TMEM221: variants seen among roughly 807,000 people sequenced by gnomAD.
TMEM221 encodes transmembrane protein 221.
Under a neutral mutation model 10.2 loss-of-function variants are expected in TMEM221, and 11 were observed. The ratio of observed to expected loss-of-function variants is 1.08; its 90% confidence interval spans 0.68 to 1.79. TMEM221 has a LOEUF of 1.79. Among genes scored for constraint, TMEM221 ranks in the 40% most tolerant of loss-of-function variants. The probability of loss-of-function intolerance (pLI) is 0.00; values close to 1 mark genes in which losing one functional copy is unlikely to be tolerated. For missense variants in TMEM221, 382 were observed against 417.7 expected (o/e 0.91, Z 0.75); for synonymous variants, 172 against 199.8 (o/e 0.86, Z 1.18).
intron 2 of TMEM221, among the ~76,000 whole-genome samples, chr19:17,443,179 G>A (rs886415129): frequency 6.6e-6 from 1 of 152,080 alleles, no homozygotes. Flanking sequence ...TACTCAGGAG[G>A]CTGAGGAAGA....
Position 17,448,615 on chromosome 19 carries a change from C to A in TMEM221, c.-153G>T, listed in dbSNP as rs1361733003. 8.7e-6 allele frequency: 4 copies of A among 459,320 alleles called. No homozygotes were observed. The East Asian group carries it at 1.1e-4, about 13-fold the overall frequency. The allele number at this position is 459,320 out of a possible 1,614,324, so 28.5% of individuals were successfully genotyped here. A position where few individuals can be genotyped will look rare whatever the true frequency, so the allele number is the denominator to read the frequency against. ...AAAGTTCGGGGACTGGGCTGGGGGT[C>A]GCCAGACGGACGGGGGCTCCGGGGT... is the stretch of plus-strand genomic sequence containing the variant. On this transcript the variant is annotated 5_prime_UTR_variant, in exon 1 of 3. Transcript: ENST00000341130. The surrounding 1 kb of genome is among the most constrained non-coding windows in gnomAD (Gnocchi z 4.7).
rs1443265528 is a variant in TMEM221 at position 17,436,484 on chromosome 19, T to C, written c.850A>G (p.Met284Val). Residue 284 changes from methionine (M) to valine (V), a missense_variant, in exon 3 of 3, where the codon ATG (methionine) becomes GTG (valine). Physicochemically the swap from Met to Val is conservative, Grantham distance 21. Transcript: ENST00000341130. ...RRMLGHRPGS[M>V]GKDSTLV ...CACACCAGTGTGGAGTCCTTCCCCA[T>C]GCTCCCTGGTCTGTGGCCCAGCATT... The C allele has an allele frequency of 1.6e-5, 24 of 1,528,896 alleles. No homozygotes were observed. In the East Asian group the frequency reaches 4.7e-4, roughly 30 times the overall value. The allele number at this position is 1,528,896 out of a possible 1,614,324, so 94.7% of individuals were successfully genotyped here. A position where few individuals can be genotyped will look rare whatever the true frequency, so the allele number is the denominator to read the frequency against.
intron 2 of TMEM221, among the ~76,000 whole-genome samples, chr19:17,442,605 A>G (rs2074936353): frequency 6.6e-6 from 1 of 151,740 alleles, no homozygotes. Context: ...ATGTTTGGCT[A>G]ATTTTTGTAT....
chr19:17,446,845 C>T (rs1029756956), intron 1 of TMEM221, among the ~76,000 whole-genome samples: 7 of 152,092 alleles, frequency 4.6e-5, no homozygotes, highest in African/African-American at 1.4e-4. Context: ...GATCCTCTTG[C>T]CTCAGCCTCT....
In TMEM221 at chr19:17,436,558, A is replaced by G. The variant is rs1453020890; in HGVS notation, c.776T>C (p.Leu259Pro). The change falls in exon 3 of 3, where the codon CTG becomes CCG. Residue 259 changes from leucine (L) to proline (P), a missense_variant. By Grantham distance (98) the Leu-to-Pro change is moderately conservative. Coordinates refer to ENST00000341130, the MANE Select transcript of TMEM221 (RefSeq NM_001190844.2). ...GTCCCAGTGCCCCAGGCCAGCCGAC[A>G]GTGTCCGGTGCATTCTGGATGCAGG... is the stretch of plus-strand genomic sequence containing the variant. ...SLPASRMHRT[L>P]SAGLGHWDGV... 5 of 1,535,988 alleles carry G rather than the reference A, an allele frequency of 3.3e-6. No homozygotes were observed. Among genetic ancestry groups the G allele is most frequent in the South Asian group, 1.2e-5 (1 of 84,064 alleles).
chr19:17,438,050 G>A (rs1028766699), intron 2 of TMEM221, among the ~76,000 whole-genome samples: 1 of 150,444 alleles, frequency 6.6e-6, no homozygotes, highest in Admixed American at 6.6e-5. Flanking sequence ...CTCCTGAGTA[G>A]GTGGGACTAC....
At position 17,448,082 on chromosome 19, in the gene TMEM221, C is replaced by T; in HGVS notation, c.320+61G>A. 1 of 1,274,048 alleles carries T rather than the reference C, an allele frequency of 7.8e-7. No homozygotes were observed. The highest frequency in any genetic ancestry group is 2.1e-5 in the South Asian group (1 of 46,606). 78.9% of individuals were successfully genotyped at this position (1,274,048 alleles called of 1,614,324 possible). A position where few individuals can be genotyped will look rare whatever the true frequency, so the allele number is the denominator to read the frequency against. Reference sequence around the variant, plus strand: ...CCTGAGGCCAAAAGAGGGGAAGAGGCTCAACCAGGCTCACCCAGCCCCCAG... The same window carrying T: ...CCTGAGGCCAAAAGAGGGGAAGAGGTTCAACCAGGCTCACCCAGCCCCCAG... On this transcript the variant is annotated intron_variant, in intron 1 of 2. Transcript: ENST00000341130. The surrounding 1 kb of genome is among the most constrained non-coding windows in gnomAD (Gnocchi z 4.7).
At chr19:17,444,701 GATATATA>G (rs1286899324) in intron 2 of TMEM221, 2 of 124,924 alleles carry the variant, frequency 1.6e-5, no homozygotes, top group African/African-American at 2.9e-5. Flanking sequence ...TCTATATATA[GATATATA>G]ATATATAAAT....
intron 1 of TMEM221, among the ~76,000 whole-genome samples, chr19:17,447,212 A>C (rs1312709444): frequency 1.4e-5 from 2 of 138,828 alleles, no homozygotes; most frequent in Non-Finnish European, 3.2e-5. Flanking sequence ...ACAGAGCAAG[A>C]CTCTGTCTCA....
chr19:17,436,701 C>G lies in TMEM221; in HGVS notation c.633G>C (p.Gln211His). 6.5e-7 allele frequency: 1 copy of G among 1,533,804 alleles called. No homozygotes were observed. Among genetic ancestry groups the G allele is most frequent in the Non-Finnish European group, 8.7e-7 (1 of 1,145,304 alleles). Residue 211 changes from glutamine to histidine, a missense_variant, in exon 3 of 3, where the codon CAG becomes CAC. Gln to His is a conservative substitution (Grantham distance 24, BLOSUM62 0). Transcript: ENST00000341130. The stretch of plus-strand genomic sequence containing the variant: ...AGGGGGTCCGACGATGGATACCCTG[C>G]TGAGGCTGAGCTCTGGGGCTGGCCT... ...VSKASPRAQP[Q>H]QGIHRRTPYS... is the part of the protein sequence containing the mutation.
chr19:17,444,458 G>A (rs960660013), intron 2 of TMEM221, among the ~76,000 whole-genome samples: 5 of 148,132 alleles, frequency 3.4e-5, no homozygotes, highest in African/African-American at 1.2e-4. Flanking sequence ...TGAATCAGAA[G>A]TGTTCTGATG....
intron 1 of TMEM221, among the ~76,000 whole-genome samples, chr19:17,447,183 C>A (rs2074956063): frequency 6.6e-6 from 1 of 150,776 alleles, no homozygotes; most frequent in African/African-American, 2.4e-5. Flanking sequence ...GATAGCGCCA[C>A]TGCACTCCAG....
At chr19:17,440,758 C>G (rs2074928784) in intron 2 of TMEM221, among the ~76,000 whole-genome samples, 1 of 152,140 alleles carries the variant, frequency 6.6e-6, no homozygotes, top group South Asian at 2.1e-4. Flanking sequence ...GCATCTCTGT[C>G]TGTCTCTGCC....
At chr19:17,442,243 TTTA>T (rs915340974) in intron 2 of TMEM221, among the ~76,000 whole-genome samples, 12 of 151,484 alleles carry the variant, frequency 7.9e-5, no homozygotes, top group African/African-American at 2.2e-4. Flanking sequence ...TCTTTTTTCT[TTTA>T]TTATTATTAT....
intron 1 of TMEM221, among the ~76,000 whole-genome samples, chr19:17,447,088 G>C (rs1424329674): frequency 6.6e-6 from 1 of 151,906 alleles, no homozygotes; most frequent in Non-Finnish European, 1.5e-5. Context: ...TGGGTATGGT[G>C]GTGGGCACCT....
chr19:17,446,073 G>A (rs2074952166), intron 1 of TMEM221, among the ~76,000 whole-genome samples: 1 of 151,036 alleles, frequency 6.6e-6, no homozygotes, highest in South Asian at 2.1e-4. Flanking sequence ...TTAACCATGT[G>A]CTATTCATCC....
chr19:17,444,796 T>TTTTATATA (rs1555738590), intron 2 of TMEM221: 1 of 129,424 alleles, frequency 7.7e-6, no homozygotes, highest in African/African-American at 2.8e-5. Flanking sequence ...TAAATATATA[T>TTTTATATA]TATATATATA....
intron 1 of TMEM221, 76 bp from the exon 2 acceptor site, chr19:17,445,360 G>A: frequency 1.6e-6 from 2 of 1,257,098 alleles, no homozygotes; most frequent in South Asian, 2.7e-5. Flanking sequence ...AGGACAGGGA[G>A]GGAGAGCCGC....
At chr19:17,447,885 C>T (rs1442707420) in intron 1 of TMEM221, among the ~76,000 whole-genome samples, 3 of 152,218 alleles carry the variant, frequency 2.0e-5, no homozygotes, top group East Asian at 3.9e-4. Flanking sequence ...CCTCTTTGAG[C>T]CTCAGTTTCC....
Sources: allele counts gnomAD v4.1 joint callset (sites outside exome capture counted in the v4.1 genomes callset), GRCh38; gene constraint gnomAD v4.1.1; non-coding constraint Gnocchi (gnomAD v3.1); transcripts MANE v1.5; gene names NCBI Gene and HGNC (gene_info 2026-07-23, HGNC 2026-07-21).